The following CTNNA2 variants were observed in gnomAD, a reference collection of about 807,000 sequenced individuals.
CTNNA2 encodes catenin alpha 2.
In CTNNA2, 42 loss-of-function variants were observed where a neutral mutation model predicts 101.0. The observed-to-expected ratio is 0.42, with a 90% CI of 0.32 to 0.54. CTNNA2 has a LOEUF of 0.54. Among genes scored for constraint, CTNNA2 ranks in the 20% least tolerant of loss-of-function variants. The pLI is 0.14. For missense variants in CTNNA2, 871 were observed against 1,223.1 expected (o/e 0.71, Z 4.29); for synonymous variants, 450 against 456.4 (o/e 0.99, Z 0.18).
chr2:80,073,771 C>CACTT (rs1553443664), intron 7 of CTNNA2, among the ~76,000 whole-genome samples: 4,528 of 146,356 alleles, frequency 0.031, 103 homozygotes, highest in South Asian at 0.058. Flanking sequence ...CACACACACA[C>CACTT]TTATAGGATT....
At chr2:80,221,230 G>A (rs1386942504) in intron 7 of CTNNA2, among the ~76,000 whole-genome samples, 2 of 152,204 alleles carry the variant, frequency 1.3e-5, no homozygotes, top group African/African-American at 4.8e-5. Context: ...TAGGAATCAA[G>A]CACATAGGTT....
At chr2:79,653,317 C>T (rs967011626) in intron 2 of CTNNA2, among the ~76,000 whole-genome samples, 3 of 152,130 alleles carry the variant, frequency 2.0e-5, no homozygotes, top group Admixed American at 2.0e-4. Context: ...ATTCAGCCTT[C>T]GTGCATTTCA....
intron 3 of CTNNA2, 84 bp from the exon 4 acceptor site, chr2:79,857,929 G>T: frequency 7.2e-7 from 1 of 1,393,526 alleles, no homozygotes; most frequent in Non-Finnish European, 1.0e-6. Flanking sequence ...AATAAAAACA[G>T]TAATTGTCCA....
chr2:79,833,869 T>C (rs2941755), intron 3 of CTNNA2, among the ~76,000 whole-genome samples: 130,860 of 152,206 alleles, frequency 0.86, 56,718 homozygotes, highest in Non-Finnish European at 0.91. Flanking sequence ...TTAGTAATAT[T>C]ATATTGAATG....
intron 3 of CTNNA2, among the ~76,000 whole-genome samples, chr2:79,794,617 A>G (rs1017962098): frequency 2.0e-5 from 3 of 152,200 alleles, no homozygotes; most frequent in Non-Finnish European, 4.4e-5. Context: ...GCAAGTCTTA[A>G]GCGTACAATA....
At chr2:79,740,486 A>G (rs1573842280) in intron 2 of CTNNA2, among the ~76,000 whole-genome samples, 1 of 152,134 alleles carries the variant, frequency 6.6e-6, no homozygotes, top group East Asian at 1.9e-4. Context: ...AAGCCCTAAT[A>G]TGCATTTTCT....
intron 3 of CTNNA2, among the ~76,000 whole-genome samples, chr2:79,849,188 A>C (rs1680475237): frequency 6.6e-6 from 1 of 152,270 alleles, no homozygotes; most frequent in Non-Finnish European, 1.5e-5. Flanking sequence ...AAAGAATGAT[A>C]AAGAGACCAT....
chr2:79,652,937 T>C (rs1681362124), intron 2 of CTNNA2, among the ~76,000 whole-genome samples: 1 of 152,192 alleles, frequency 6.6e-6, no homozygotes, highest in South Asian at 2.1e-4. Context: ...TTAAATTAGA[T>C]ATGGCTGAGG....
In CTNNA2 at chr2:80,601,417, CTTTCT is replaced by C. The variant is rs1309349321; in HGVS notation, c.2190-2653_2190-2649del. ...GATTTAATGACTTTTTTCTTTCTTT[CTTTCT>C]TTTTTTTTTTTTTTGATGAGTTCTA... On this transcript the variant is annotated intron_variant, in intron 15 of 18. Coordinates refer to ENST00000402739, the MANE Select transcript of CTNNA2 (RefSeq NM_001282597.3). Among the ~76,000 whole-genome samples, 7 of 94,212 alleles carry C rather than the reference CTTTCT, an allele frequency of 7.4e-5. 1 individual carries two copies. In the East Asian group the frequency reaches 2.3e-3, roughly 31 times the overall value. The allele number at this position is 94,212 out of a possible 152,430, so 61.8% of individuals were successfully genotyped here.
At chr2:79,250,743 G>T (rs1674760758) in intron 2 of CTNNA2, among the ~76,000 whole-genome samples, 1 of 152,146 alleles carries the variant, frequency 6.6e-6, no homozygotes, top group Non-Finnish European at 1.5e-5. Flanking sequence ...TATTTGGTAT[G>T]CACTGTGTTT....
intron 3 of CTNNA2, among the ~76,000 whole-genome samples, chr2:79,856,816 A>T (rs1428592614): frequency 6.6e-6 from 1 of 151,914 alleles, no homozygotes; most frequent in Non-Finnish European, 1.5e-5. Context: ...GATGCATTTT[A>T]TACTCCCTCT....
rs1220076691 is a variant in CTNNA2, at chr2:79,629,762, G to T, written c.-5-21790G>T. On this transcript the variant is annotated intron_variant, in intron 1 of 18. Transcript: ENST00000402739. Reference sequence around the variant, plus strand: ...AGGGAAGCTCAGTGAGCAGCTGTCTGTATGGGTATATTAATGACTTTTTTT... The same window carrying T: ...AGGGAAGCTCAGTGAGCAGCTGTCTTTATGGGTATATTAATGACTTTTTTT... Among the ~76,000 whole-genome samples the T allele has an allele frequency of 3.3e-5, 5 of 152,294 alleles. 1 individual carries two copies. The South Asian group carries it at 1.0e-3, about 32-fold the overall frequency.
chr2:79,327,533 C>T (rs946370874), intron 3 of CTNNA2, among the ~76,000 whole-genome samples: 4 of 152,150 alleles, frequency 2.6e-5, no homozygotes, highest in Non-Finnish European at 4.4e-5. Flanking sequence ...ATCCAACATA[C>T]TTAAGCTCAG....
intron 7 of CTNNA2, among the ~76,000 whole-genome samples, chr2:80,148,036 T>C (rs1703460606): frequency 6.6e-6 from 1 of 152,220 alleles, no homozygotes; most frequent in Non-Finnish European, 1.5e-5. Context: ...AATGTCATTT[T>C]TTTAGAGCCA....
At chr2:80,086,011 G>A (rs182384423) in intron 7 of CTNNA2, among the ~76,000 whole-genome samples, 109 of 152,124 alleles carry the variant, frequency 7.2e-4, no homozygotes, top group Non-Finnish European at 1.3e-3. Context: ...ACCTATATGT[G>A]CAGATATTTG....
chr2:79,369,521 C>T (rs1249879097), intron 3 of CTNNA2, among the ~76,000 whole-genome samples: 1 of 152,194 alleles, frequency 6.6e-6, no homozygotes, highest in African/African-American at 2.4e-5. Context: ...GACATGACTG[C>T]TCTTCCAGTG....
chr2:79,242,341 C>G (rs752638848), intron 2 of CTNNA2, among the ~76,000 whole-genome samples: 8 of 152,094 alleles, frequency 5.3e-5, no homozygotes, highest in Non-Finnish European at 8.8e-5. Flanking sequence ...TTTCAATTCT[C>G]AAAATACTAA....
At chr2:79,224,373 T>G (rs1410036276) in intron 2 of CTNNA2, among the ~76,000 whole-genome samples, 1 of 152,130 alleles carries the variant, frequency 6.6e-6, no homozygotes, top group Admixed American at 6.5e-5. Context: ...TATTGAAAAC[T>G]GAAGGAATTT....
chr2:79,805,334 A>T (rs975911939), intron 3 of CTNNA2, among the ~76,000 whole-genome samples: 1 of 152,212 alleles, frequency 6.6e-6, no homozygotes, highest in African/African-American at 2.4e-5. Flanking sequence ...TCTTCGTTTC[A>T]TCTGCTCCTA....
Sources: allele counts gnomAD v4.1 joint callset (sites outside exome capture counted in the v4.1 genomes callset), GRCh38; gene constraint gnomAD v4.1.1; transcripts MANE v1.5; gene names NCBI Gene and HGNC (gene_info 2026-07-23, HGNC 2026-07-21).